ITPR2: variants seen among roughly 807,000 people sequenced by gnomAD.
The protein encoded by ITPR2 is inositol 1,4,5-trisphosphate receptor type 2.
Under a neutral mutation model 317.1 loss-of-function variants are expected in ITPR2, and 207 were observed. The observed-to-expected ratio is 0.65, with a 90% CI of 0.58 to 0.73. ITPR2 has a LOEUF of 0.73. ITPR2 is among the 30% of genes least tolerant of loss of function. ITPR2 has a pLI of 0.00. For synonymous variants in ITPR2, 1,156 were observed against 1,149.1 expected, an observed-to-expected ratio of 1.01 and a Z score of -0.12; for missense variants, 2,613 against 3,284.0, an observed-to-expected ratio of 0.80 and a Z score of 4.99.
At chr12:26,815,331 C>G (rs1039398377) in intron 1 of ITPR2, among the ~76,000 whole-genome samples, 6 of 149,214 alleles carry the variant, frequency 4.0e-5, no homozygotes, top group Non-Finnish European at 7.4e-5. Context: ...GACTCAGTCT[C>G]AAAAAAAAAG....
intron 34 of ITPR2, among the ~76,000 whole-genome samples, chr12:26,562,493 A>G (rs1417754118): frequency 6.6e-6 from 1 of 152,224 alleles, no homozygotes; most frequent in Non-Finnish European, 1.5e-5. Context: ...AGTTTACATC[A>G]CAACAATACT....
chr12:26,477,961 C>CT (rs1380354386), intron 43 of ITPR2, among the ~76,000 whole-genome samples: 5 of 152,116 alleles, frequency 3.3e-5, no homozygotes, highest in Non-Finnish European at 7.4e-5. Flanking sequence ...CACACACAAT[C>CT]TTTGATAGAA....
chr12:26,397,662 A>G (rs1565504261), intron 54 of ITPR2, among the ~76,000 whole-genome samples: 1 of 152,192 alleles, frequency 6.6e-6, no homozygotes, highest in Non-Finnish European at 1.5e-5. Context: ...CAACTGTTGG[A>G]GGAAGGTAGA....
chr12:26,599,595 T>C (rs1241292081), intron 29 of ITPR2, among the ~76,000 whole-genome samples: 1 of 152,164 alleles, frequency 6.6e-6, no homozygotes, highest in Non-Finnish European at 1.5e-5. Flanking sequence ...ACAGTATTCT[T>C]GAGACTAATT....
At chr12:26,487,923 C>A (rs1209847053) in intron 39 of ITPR2, among the ~76,000 whole-genome samples, 1 of 152,046 alleles carries the variant, frequency 6.6e-6, no homozygotes, top group Non-Finnish European at 1.5e-5. Context: ...GACAAATCCA[C>A]CTTAAAATAA....
intron 55 of ITPR2, among the ~76,000 whole-genome samples, chr12:26,383,486 GTTTGTTTGTTTT>G (rs1488613292): frequency 1.4e-4 from 21 of 151,692 alleles, no homozygotes; most frequent in African/African-American, 5.1e-4. Flanking sequence ...TTGTTTGTTT[GTTTGTTTGTTTT>G]TTTGAGATGG....
intron 1 of ITPR2, among the ~76,000 whole-genome samples, chr12:26,819,765 T>TA (rs11448752): frequency 0.11 from 16,728 of 146,978 alleles, 1,177 homozygotes; most frequent in East Asian, 0.32. Flanking sequence ...TGCAAATCAT[T>TA]AAAAAAAAAA....
rs1937903844 is a variant in ITPR2 at position 26,336,031 on chromosome 12, C to T, written c.*3366G>A. On this transcript the variant is annotated 3_prime_UTR_variant, in exon 57 of 57. Coordinates refer to ENST00000381340, the MANE Select transcript of ITPR2 (RefSeq NM_002223.4). ...TGTTCTCTGCATGGGTGAGGGGTAT[C>T]TCTGGGGTCCATCAACTATTACATC... 6.6e-6 allele frequency: 1 copy of T among 152,224 alleles called. No homozygotes were observed. Among genetic ancestry groups the T allele is most frequent in the South Asian group, 2.1e-4 (1 of 4,834 alleles). The allele number at this position is 152,224 out of a possible 1,614,324, so 9.4% of individuals were successfully genotyped here. A position where few individuals can be genotyped will look rare whatever the true frequency, so the allele number is the denominator to read the frequency against.
intron 21 of ITPR2, chr12:26,649,355 CAA>C (rs774630534): frequency 2.5e-4 from 38 of 152,136 alleles, no homozygotes; most frequent in Non-Finnish European, 5.1e-4. Context: ...AGTGCAATTA[CAA>C]AAGTCAAGAA....
chr12:26,387,690 A>C (rs899469613), intron 54 of ITPR2, 96 bp from the exon 55 acceptor site: 1 of 1,224,294 alleles, frequency 8.2e-7, no homozygotes, highest in East Asian at 2.5e-5. Flanking sequence ...TTGTGAAAAA[A>C]ATGCTTTCAG....
chr12:26,464,852 C>A (rs766993105), intron 45 of ITPR2, among the ~76,000 whole-genome samples: 2 of 152,154 alleles, frequency 1.3e-5, no homozygotes, highest in Non-Finnish European at 2.9e-5. Context: ...TGCTAAGGAG[C>A]TGAGGCTATG....
chr12:26,688,580 A>G (rs1948174809), intron 10 of ITPR2, among the ~76,000 whole-genome samples: 1 of 152,140 alleles, frequency 6.6e-6, no homozygotes, highest in South Asian at 2.1e-4. Context: ...GAAAGAAGGA[A>G]GGAGAGGAGG....
chr12:26,760,978 C>T (rs1466533040), intron 2 of ITPR2, among the ~76,000 whole-genome samples: 1 of 152,180 alleles, frequency 6.6e-6, no homozygotes, highest in African/African-American at 2.4e-5. Flanking sequence ...CAGGAACACC[C>T]CTGTGGACCC....
intron 52 of ITPR2, among the ~76,000 whole-genome samples, chr12:26,409,525 T>C (rs1217271266): frequency 4.0e-5 from 6 of 151,714 alleles, no homozygotes; most frequent in Non-Finnish European, 8.8e-5. Context: ...AGAACAGAGG[T>C]TGGCAAAAAA....
chr12:26,715,213 A>T, intron 8 of ITPR2, 86 bp downstream of exon 8: 1 of 1,153,270 alleles, frequency 8.7e-7, no homozygotes. Context: ...ATCATAAATG[A>T]TGCCTATAAC....
intron 26 of ITPR2, among the ~76,000 whole-genome samples, chr12:26,608,159 G>C (rs1399208729): frequency 6.6e-6 from 1 of 151,896 alleles, no homozygotes; most frequent in Admixed American, 6.5e-5. Context: ...GGCATTTTTT[G>C]ACTCATTTGA....
chr12:26,686,423 T>G, intron 11 of ITPR2, 58 bp downstream of exon 11: 2 of 1,121,328 alleles, frequency 1.8e-6, no homozygotes, highest in Non-Finnish European at 2.5e-6. Context: ...TTATTTTCAT[T>G]CCTCACCTAC....
intron 21 of ITPR2, among the ~76,000 whole-genome samples, chr12:26,646,879 C>T (rs974315761): frequency 7.2e-5 from 11 of 152,026 alleles, no homozygotes; most frequent in African/African-American, 2.7e-4. Flanking sequence ...TGGGAATAGG[C>T]CCACATTTCA....
intron 47 of ITPR2, 38 bp from the exon 48 acceptor site, chr12:26,436,384 A>T: frequency 6.3e-7 from 1 of 1,577,394 alleles, no homozygotes; most frequent in Non-Finnish European, 8.6e-7. Flanking sequence ...GAACAGGAAA[A>T]TACATTTTGG....
Sources: allele counts gnomAD v4.1 joint callset (sites outside exome capture counted in the v4.1 genomes callset), GRCh38; gene constraint gnomAD v4.1.1; transcripts MANE v1.5; gene names NCBI Gene and HGNC (gene_info 2026-07-23, HGNC 2026-07-21).